SLC25A21: variants seen among roughly 807,000 people sequenced by gnomAD.
The protein encoded by SLC25A21 is solute carrier family 25 member 21, also known as mitochondrial 2-oxodicarboxylate carrier.
In SLC25A21, 47 loss-of-function variants were observed where a neutral mutation model predicts 43.8. The ratio of observed to expected loss-of-function variants is 1.07; its 90% CI spans 0.85 to 1.37. The LOEUF (loss-of-function observed/expected upper bound fraction) is 1.37. SLC25A21 is among the 40% of genes most tolerant of loss of function. The pLI is 0.00. For missense variants in SLC25A21, 352 were observed against 350.2 expected (o/e 1.00, Z -0.04); for synonymous variants, 131 against 121.3 (o/e 1.08, Z -0.52).
intron 1 of SLC25A21, among the ~76,000 whole-genome samples, chr14:36,915,232 A>G (rs920859392): frequency 1.3e-5 from 2 of 152,126 alleles, no homozygotes; most frequent in Non-Finnish European, 2.9e-5. Context: ...CTGGCAGTAT[A>G]TCATGGCACA....
chr14:36,785,533 T>A (rs745674756), intron 3 of SLC25A21, among the ~76,000 whole-genome samples: 10 of 152,208 alleles, frequency 6.6e-5, no homozygotes, highest in Non-Finnish European at 1.2e-4. Context: ...TTGAGCTTCT[T>A]ACCAGAAGGT....
intron 1 of SLC25A21, among the ~76,000 whole-genome samples, chr14:37,102,093 T>A (rs908004243): frequency 3.3e-5 from 5 of 152,188 alleles, no homozygotes; most frequent in African/African-American, 1.2e-4. Flanking sequence ...CTTTATTATA[T>A]GTATAAGTTA....
chr14:37,011,664 T>C (rs978247211), intron 1 of SLC25A21, among the ~76,000 whole-genome samples: 1 of 152,116 alleles, frequency 6.6e-6, no homozygotes, highest in Non-Finnish European at 1.5e-5. Context: ...TCTCAGCTAA[T>C]ACGTTTATAG....
chr14:37,143,996 A>G (rs1441717705), intron 1 of SLC25A21, among the ~76,000 whole-genome samples: 1 of 152,182 alleles, frequency 6.6e-6, no homozygotes. Flanking sequence ...TATTGACAAG[A>G]GTCAGAAAAG....
chr14:37,144,228 G>T (rs898368497), intron 1 of SLC25A21, among the ~76,000 whole-genome samples: 1 of 152,130 alleles, frequency 6.6e-6, no homozygotes, highest in Non-Finnish European at 1.5e-5. Flanking sequence ...CTTTACCACT[G>T]GGGTGAAATA....
chr14:36,712,498 CAGAAT>C (rs998066350), intron 6 of SLC25A21, among the ~76,000 whole-genome samples: 1 of 152,146 alleles, frequency 6.6e-6, no homozygotes, highest in African/African-American at 2.4e-5. Flanking sequence ...GCTACATCAG[CAGAAT>C]AGAATAGAAC....
At chr14:37,025,664 G>A (rs1961077527) in intron 1 of SLC25A21, among the ~76,000 whole-genome samples, 2 of 152,068 alleles carry the variant, frequency 1.3e-5, no homozygotes, top group Non-Finnish European at 2.9e-5. Context: ...AATTAAAAGA[G>A]TTCTTTTCTC....
intron 1 of SLC25A21, among the ~76,000 whole-genome samples, chr14:36,895,789 C>T (rs1467166622): frequency 1.3e-5 from 2 of 152,152 alleles, no homozygotes; most frequent in Admixed American, 6.5e-5. Flanking sequence ...GCCTTCATTT[C>T]GTTATGTACC....
At chr14:36,891,503 A>T (rs774965953) in intron 1 of SLC25A21, among the ~76,000 whole-genome samples, 1 of 152,180 alleles carries the variant, frequency 6.6e-6, no homozygotes, top group Non-Finnish European at 1.5e-5. Context: ...CTTTGATGCT[A>T]CAAGGATCAA....
chr14:36,755,526 A>AT (rs1215888724), intron 3 of SLC25A21, among the ~76,000 whole-genome samples: 1 of 152,192 alleles, frequency 6.6e-6, no homozygotes, highest in Non-Finnish European at 1.5e-5. Context: ...CATCTGTGCT[A>AT]TGGCGACAAA....
intron 1 of SLC25A21, among the ~76,000 whole-genome samples, chr14:37,139,833 T>C (rs777783529): frequency 2.0e-5 from 3 of 152,248 alleles, no homozygotes; most frequent in Non-Finnish European, 2.9e-5. Context: ...CTGGTAAGTA[T>C]GAGCATTTAA....
Position 37,040,412 on chromosome 14 carries a change from A to AAAGAAAGG in SLC25A21, c.70+131868_70+131869insCCTTTCTT, listed in dbSNP as rs1961442513. 3.1e-5 allele frequency among the ~76,000 whole-genome samples: 3 copies of AAAGAAAGG among 97,928 alleles called. No individual in the cohort carries two copies. In the South Asian group the frequency reaches 8.6e-4, roughly 28 times the overall value. The allele number at this position is 97,928 out of a possible 152,430, so 64.2% of individuals were successfully genotyped here. On this transcript the variant is annotated intron_variant, in intron 1 of 9. Coordinates refer to ENST00000331299, the MANE Select transcript of SLC25A21 (RefSeq NM_030631.4). ...GAAAGAAAGAAAGAAAGAAAGAAAGAAAGAAAGAAAGAAAGAAAGAAAGAA... is the reference window on the plus strand; with the variant it reads ...GAAAGAAAGAAAGAAAGAAAGAAAGAAAGAAAGGAAGAAAGAAAGAAAGAAAGAAAGAA...
chr14:37,061,548 T>C (rs1409715100), intron 1 of SLC25A21, among the ~76,000 whole-genome samples: 1 of 152,076 alleles, frequency 6.6e-6, no homozygotes, highest in Admixed American at 6.6e-5. Flanking sequence ...GTAGAATTGA[T>C]AAACTGTTAC....
intron 1 of SLC25A21, among the ~76,000 whole-genome samples, chr14:37,119,494 T>A (rs1256543993): frequency 6.6e-6 from 1 of 151,760 alleles, no homozygotes; most frequent in Non-Finnish European, 1.5e-5. Flanking sequence ...GAGATGGAGG[T>A]TGCAGTAAGC....
At chr14:36,697,980 C>T (rs1026405336) in intron 7 of SLC25A21, among the ~76,000 whole-genome samples, 14 of 142,480 alleles carry the variant, frequency 9.8e-5, no homozygotes, top group African/African-American at 3.2e-4. Flanking sequence ...CTACTTTGCC[C>T]GTTAATTGAT....
intron 6 of SLC25A21, among the ~76,000 whole-genome samples, chr14:36,723,961 A>C (rs1884478694): frequency 6.6e-6 from 1 of 152,156 alleles, no homozygotes. Context: ...GGATCTCTGC[A>C]ATTTTCTTCT....
chr14:37,032,710 G>T (rs535556910), intron 1 of SLC25A21, among the ~76,000 whole-genome samples: 4 of 146,908 alleles, frequency 2.7e-5, no homozygotes, highest in African/African-American at 1.0e-4. Context: ...AACAAGATGG[G>T]GAAATTTGTA....
At chr14:36,868,264 G>A (rs1566690373) in intron 2 of SLC25A21, among the ~76,000 whole-genome samples, 1 of 151,904 alleles carries the variant, frequency 6.6e-6, no homozygotes, top group Non-Finnish European at 1.5e-5. Flanking sequence ...CTTAATGAGG[G>A]GTCCACTCAC....
At chr14:36,827,230 T>C (rs1287577382) in intron 2 of SLC25A21, among the ~76,000 whole-genome samples, 4 of 152,240 alleles carry the variant, frequency 2.6e-5, no homozygotes, top group Admixed American at 1.3e-4. Context: ...AGTATGAAAA[T>C]GTCTGTTGAA....
Sources: gnomAD v4.1 joint callset for allele counts (sites outside exome capture counted in the v4.1 genomes callset) on GRCh38, gnomAD v4.1.1 for gene constraint, MANE v1.5 for transcripts, NCBI Gene and HGNC (gene_info 2026-07-23, HGNC 2026-07-21) for gene names.